ZC3HAV1: variants seen among roughly 807,000 people sequenced by gnomAD.
ZC3HAV1 encodes the protein zinc finger CCCH-type antiviral protein 1.
In ZC3HAV1, 41 loss-of-function variants were observed where a neutral mutation model predicts 86.6. The ratio of observed to expected loss-of-function variants is 0.47; its 90% CI spans 0.37 to 0.61. The LOEUF is 0.61. Among genes scored for constraint, ZC3HAV1 ranks in the 20% least tolerant of loss-of-function variants. The pLI is 0.00. For missense variants in ZC3HAV1, 964 were observed against 1,141.1 expected (o/e 0.84, Z 2.24); for synonymous variants, 421 against 432.1 (o/e 0.97, Z 0.32).
intron 12 of ZC3HAV1, among the ~76,000 whole-genome samples, chr7:139,052,618 A>ACC (rs1816165737): frequency 6.7e-6 from 1 of 149,742 alleles, no homozygotes; most frequent in African/African-American, 2.5e-5. Context: ...AAAAAAAAAA[A>ACC]AAAAAAAAAA....
chr7:139,063,651 G>C (rs1211852750), intron 8 of ZC3HAV1, among the ~76,000 whole-genome samples: 2 of 150,990 alleles, frequency 1.3e-5, no homozygotes, highest in African/African-American at 4.9e-5. Flanking sequence ...TTGAGCCAGG[G>C]AGGTTGAGGC....
rs116723178 is a variant in ZC3HAV1, at chr7:139,080,078, G to A, written c.863C>T (p.Ala288Val). 6.6e-4 allele frequency: 1,059 copies of A among 1,614,156 alleles called. 2 individuals carry two copies. In the African/African-American group the frequency reaches 0.012, roughly 19 times the overall value. ...CTTGCGGGTGAGATCGTCCACAGGC[G>A]CGTCCTCCAGGGAAGCCCTGTGGCT... ...QISHRASLED[A>V]PVDDLTRKFT... Residue 288 changes from alanine (A) to valine (V), a missense_variant, in exon 4 of 13, where the codon GCG (alanine) becomes GTG (valine). Transcript: ENST00000242351.
At chr7:139,058,756 C>T (rs1197734302) in intron 9 of ZC3HAV1, among the ~76,000 whole-genome samples, 1 of 152,214 alleles carries the variant, frequency 6.6e-6, no homozygotes, top group East Asian at 1.9e-4. Flanking sequence ...AATGGAAAAG[C>T]ACGAAGCAAC....
intron 7 of ZC3HAV1, 96 bp downstream of exon 7, chr7:139,073,760 G>C: frequency 7.7e-7 from 1 of 1,298,618 alleles, no homozygotes. Context: ...CAAAGTGCTG[G>C]GCTTACAGGC....
chr7:139,109,162 T>A lies in ZC3HAV1; in HGVS notation c.170A>T (p.Glu57Val). 6.3e-7 allele frequency: 1 copy of A among 1,596,066 alleles called. No homozygotes were observed. Among genetic ancestry groups the A allele is most frequent in the Non-Finnish European group, 8.5e-7 (1 of 1,171,642 alleles). ...DRFVVLETGG[E>V]AGITRSVVAT... The stretch of plus-strand genomic sequence containing the variant: ...CACCACCGATCGGGTGATCCCGGCC[T>A]CGCCGCCGGTCTCCAACACCACAAA... The change falls in exon 1 of 13, where the codon GAG (glutamate) becomes GTG (valine). Residue 57 changes from glutamate (E) to valine (V), a missense_variant. Glu to Val is a moderately radical substitution (Grantham distance 121, BLOSUM62 -2). Transcript: ENST00000242351.
intron 9 of ZC3HAV1, chr7:139,060,317 A>G (rs1816406402): frequency 1.0e-6 from 1 of 985,314 alleles, no homozygotes; most frequent in African/African-American, 1.7e-5. Flanking sequence ...CACCCAGAAA[A>G]AAAATATCCA....
intron 2 of ZC3HAV1, among the ~76,000 whole-genome samples, chr7:139,085,295 C>T (rs963755949): frequency 6.6e-6 from 1 of 152,120 alleles, no homozygotes; most frequent in African/African-American, 2.4e-5. Flanking sequence ...ATTCCCACGC[C>T]GATATTAAGC....
chr7:139,108,529 A>C lies in ZC3HAV1; in HGVS notation c.308+495T>G, dbSNP rs190382626. Among the ~76,000 whole-genome samples, 50 of 152,290 alleles carry C rather than the reference A, an allele frequency of 3.3e-4. No homozygotes were observed. Among genetic ancestry groups the C allele is most frequent in the South Asian group, 2.9e-3 (14 of 4,824 alleles). On this transcript the variant is annotated intron_variant, in intron 1 of 12. Coordinates refer to ENST00000242351, the MANE Select transcript of ZC3HAV1 (RefSeq NM_020119.4). The surrounding 1 kb of genome is among the most constrained non-coding windows in gnomAD (Gnocchi z 4.2). ...TGACCGGGAAGGGAGGGACAAGCAGAGAGACCTGCGGCTCGCTCCGGCGGA... is the reference window on the plus strand; with the variant it reads ...TGACCGGGAAGGGAGGGACAAGCAGCGAGACCTGCGGCTCGCTCCGGCGGA...
At chr7:139,097,685 C>T (rs1039907171) in intron 1 of ZC3HAV1, among the ~76,000 whole-genome samples, 5 of 151,524 alleles carry the variant, frequency 3.3e-5, no homozygotes, top group African/African-American at 1.2e-4. Context: ...CCGCTCGCCT[C>T]GGCCTCCTAA....
chr7:139,083,596 G>A (rs1817189161), intron 3 of ZC3HAV1, among the ~76,000 whole-genome samples, 184 bp downstream of exon 3: 1 of 151,906 alleles, frequency 6.6e-6, no homozygotes, highest in African/African-American at 2.4e-5. Context: ...GTGTGGTGGT[G>A]CACACCTGTA....
rs144037325 is a variant in ZC3HAV1 at position 139,080,079 on chromosome 7, C to T, written c.862G>A (p.Ala288Thr). ...QISHRASLED[A>T]PVDDLTRKFT... ...TTGCGGGTGAGATCGTCCACAGGCG[C>T]GTCCTCCAGGGAAGCCCTGTGGCTG... Residue 288 changes from alanine (A) to threonine (T), a missense_variant, in exon 4 of 13, where the codon GCG (alanine) becomes ACG (threonine). Physicochemically the swap from Ala to Thr is moderately conservative, Grantham distance 58. Transcript: ENST00000242351. 637 of 1,614,152 alleles carry T rather than the reference C, an allele frequency of 3.9e-4. 2 individuals carry two copies. In the African/African-American group the frequency reaches 6.7e-3, roughly 17 times the overall value.
At chr7:139,084,307 A>G (rs1352350613) in intron 2 of ZC3HAV1, among the ~76,000 whole-genome samples, 1 of 152,234 alleles carries the variant, frequency 6.6e-6, no homozygotes, top group South Asian at 2.1e-4. Flanking sequence ...AACAGGACCC[A>G]AAGTGAGCCC....
chr7:139,092,273 T>C (rs1817459021), intron 1 of ZC3HAV1, among the ~76,000 whole-genome samples: 3 of 152,108 alleles, frequency 2.0e-5, no homozygotes, highest in African/African-American at 7.2e-5. Flanking sequence ...AGTTAAGTCC[T>C]TGAAGAAGGG....
At chr7:139,078,370 TC>T (rs1208496943) in intron 5 of ZC3HAV1, among the ~76,000 whole-genome samples, 181 bp downstream of exon 5, 1 of 151,912 alleles carries the variant, frequency 6.6e-6, no homozygotes, top group Admixed American at 6.6e-5. Context: ...GAATAATAGT[TC>T]CTCAAAAAAA....
intron 1 of ZC3HAV1, among the ~76,000 whole-genome samples, chr7:139,096,250 G>A (rs187242559): frequency 1.3e-5 from 2 of 152,234 alleles, no homozygotes; most frequent in East Asian, 1.9e-4. Flanking sequence ...CTGACCTCAG[G>A]TGATCCACCC....
At chr7:139,068,028 T>TTAG (rs1245885981) in intron 7 of ZC3HAV1, among the ~76,000 whole-genome samples, 1 of 48,760 alleles carries the variant, frequency 2.1e-5, no homozygotes, top group African/African-American at 1.3e-4. Context: ...TCTTTCTTTA[T>TTAG]TATTATTATT....
intron 3 of ZC3HAV1, among the ~76,000 whole-genome samples, chr7:139,082,414 C>T (rs1011708383): frequency 2.6e-5 from 4 of 151,506 alleles, no homozygotes; most frequent in African/African-American, 9.7e-5. Flanking sequence ...AAAAATGGCA[C>T]AGCTGCTACA....
intron 7 of ZC3HAV1, among the ~76,000 whole-genome samples, chr7:139,067,371 G>A (rs532212493): frequency 6.6e-6 from 1 of 152,244 alleles, no homozygotes; most frequent in African/African-American, 2.4e-5. Context: ...GGCTGGTTTC[G>A]AACTCCTGAC....
chr7:139,069,003 T>C (rs1359350382), intron 7 of ZC3HAV1, among the ~76,000 whole-genome samples: 1 of 152,220 alleles, frequency 6.6e-6, no homozygotes, highest in Non-Finnish European at 1.5e-5. Flanking sequence ...CTGGGTCAAT[T>C]ACCAGGTGTT....
Sources: gnomAD v4.1 joint callset for allele counts (sites outside exome capture counted in the v4.1 genomes callset) on GRCh38, gnomAD v4.1.1 for gene constraint, Gnocchi (gnomAD v3.1) non-coding constraint, MANE v1.5 for transcripts, NCBI Gene and HGNC (gene_info 2026-07-23, HGNC 2026-07-21) for gene names.